Variants in PPARA observed in about 807,000 individuals in gnomAD.
PPARA encodes the protein peroxisome proliferator activated receptor alpha.
In PPARA, 22 loss-of-function variants were observed where a neutral mutation model predicts 42.2. That is an observed-to-expected ratio of 0.52 (90% confidence interval 0.37 to 0.74). The LOEUF (loss-of-function observed/expected upper bound fraction) is 0.74, where lower values mean the gene tolerates loss of function less well. Ranked by LOEUF, PPARA falls within the 30% of genes least tolerant of loss-of-function variation. PPARA has a pLI of 0.00. For missense variants in PPARA, 465 were observed against 608.2 expected, an observed-to-expected ratio of 0.76 and a Z score of 2.48; for synonymous variants, 242 against 239.3, an observed-to-expected ratio of 1.01 and a Z score of -0.10.
In PPARA at chr22:46,216,694, C is replaced by T. The variant is rs1934525625; in HGVS notation, c.369+1361C>T. Among the ~76,000 whole-genome samples the T allele has an allele frequency of 6.6e-6, 1 of 152,222 alleles. No homozygotes were observed. The highest frequency in any genetic ancestry group is 1.5e-5 in the Non-Finnish European group (1 of 68,040). ...ACAGGAACCCCCTGTGCATCTTCAT[C>T]CTCCTGCTGGCTCAGCCTGCCCTAA... On this transcript the variant is annotated intron_variant, in intron 5 of 8. Coordinates refer to ENST00000407236, the MANE Select transcript of PPARA (RefSeq NM_005036.6). The surrounding 1 kb of genome is among the most constrained non-coding windows in gnomAD (Gnocchi z 4.5).
rs967178619 is a variant in PPARA at position 46,183,035 on chromosome 22, G to A, written c.-43+6199G>A. ...GTTGGGATTATAGGCATGAGCCACA[G>A]CACCGGGCCCATAAAGCTGTCTTTT... On this transcript the variant is annotated intron_variant, in intron 3 of 8. Transcript: ENST00000407236. The surrounding 1 kb of genome is among the most constrained non-coding windows in gnomAD (Gnocchi z 5.5). Among the ~76,000 whole-genome samples the A allele has an allele frequency of 1.3e-5, 2 of 152,176 alleles. No homozygotes were observed. The highest frequency in any genetic ancestry group is 6.5e-5 in the Admixed American group (1 of 15,274).
At chr22:46,214,463 G>A (rs938784003) in intron 4 of PPARA, among the ~76,000 whole-genome samples, 12 of 151,502 alleles carry the variant, frequency 7.9e-5, no homozygotes, top group Non-Finnish European at 1.6e-4. Context: ...CCGGAGATGC[G>A]CAGATCAGGA....
intron 2 of PPARA, among the ~76,000 whole-genome samples, chr22:46,158,881 T>C (rs1369810629): frequency 2.0e-5 from 3 of 152,098 alleles, no homozygotes; most frequent in Non-Finnish European, 4.4e-5. Flanking sequence ...ACTGGGATAG[T>C]GTCTCTTTTT....
At chr22:46,154,439 G>A (rs997867804) in intron 2 of PPARA, among the ~76,000 whole-genome samples, 10 of 152,004 alleles carry the variant, frequency 6.6e-5, no homozygotes, top group Admixed American at 3.3e-4. Flanking sequence ...GCAACCTGGC[G>A]AAACCCTGCA....
At chr22:46,226,662 C>T (rs771203004) in intron 7 of PPARA, among the ~76,000 whole-genome samples, 1 of 152,086 alleles carries the variant, frequency 6.6e-6, no homozygotes, top group Non-Finnish European at 1.5e-5. Flanking sequence ...AGTAAAACGT[C>T]TTGTTTAAAA....
chr22:46,238,198 A>G lies in PPARA; in HGVS notation c.*2818A>G, dbSNP rs1208291826. The G allele has an allele frequency of 6.6e-6, 1 of 152,218 alleles. No individual in the cohort carries two copies. The highest frequency in any genetic ancestry group is 1.5e-5 in the Non-Finnish European group (1 of 68,038). 9.4% of individuals were successfully genotyped at this position (152,218 alleles called of 1,614,324 possible). A position where few individuals can be genotyped will look rare whatever the true frequency, so the allele number is the denominator to read the frequency against. On this transcript the variant is annotated 3_prime_UTR_variant, in exon 9 of 9. Coordinates refer to ENST00000407236, the MANE Select transcript of PPARA (RefSeq NM_005036.6). The surrounding 1 kb of genome is among the most constrained non-coding windows in gnomAD (Gnocchi z 8.3). Reference sequence around the variant, plus strand: ...GACCTCAGGCTGAAAGTCACTCGACATTGGTCTCTTGTGTTGATAGGGAAG... The same window carrying G: ...GACCTCAGGCTGAAAGTCACTCGACGTTGGTCTCTTGTGTTGATAGGGAAG...
Position 46,222,863 on chromosome 22 carries a change from A to C in PPARA, c.711+2849A>C, listed in dbSNP as rs1366683619. ...GGAGACCTCGTCTCTACAAAAAATG[A>C]TTTTTTAAAAAACTAGCTGGGCATG... is the stretch of plus-strand genomic sequence containing the variant. On this transcript the variant is annotated intron_variant, in intron 7 of 8. Transcript: ENST00000407236. This position sits in a 1 kb window ranked among gnomAD's most constrained non-coding sequence, Gnocchi z 5.9. Among the ~76,000 whole-genome samples, 1 of 152,120 alleles carries C rather than the reference A, an allele frequency of 6.6e-6. No homozygotes were observed. Among genetic ancestry groups the C allele is most frequent in the Non-Finnish European group, 1.5e-5 (1 of 68,036 alleles).
intron 2 of PPARA, among the ~76,000 whole-genome samples, chr22:46,153,011 G>C (rs2147083310): frequency 6.6e-6 from 1 of 152,314 alleles, no homozygotes; most frequent in South Asian, 2.1e-4. Context: ...GCTTGAGCCT[G>C]GGAGGTGAAG....
At position 46,235,283 on chromosome 22, in the gene PPARA, T is replaced by G. The variant is rs1178740516; in HGVS notation, c.1310T>G (p.Val437Gly). Residue 437 changes from valine (V) to glycine (G), a missense_variant, in exon 9 of 9, where the codon GTG becomes GGG. Around this residue, in one of 2 missense-constraint regions of PPARA, gnomAD observed 313 missense variants for 469.1 expected, o/e 0.67. Transcript: ENST00000407236. This position sits in a 1 kb window ranked among gnomAD's most constrained non-coding sequence, Gnocchi z 7.0. ...AAAATGGCAGACCTCCGGCAGCTGG[T>G]GACGGAGCATGCGCAGCTGGTGCAG... is the stretch of plus-strand genomic sequence containing the variant. Reference protein sequence around the residue: ...LQKMADLRQLVTEHAQLVQII... With the variant: ...LQKMADLRQLGTEHAQLVQII... The G allele has an allele frequency of 6.2e-7, 1 of 1,613,974 alleles. No homozygotes were observed. Among genetic ancestry groups the G allele is most frequent in the Non-Finnish European group, 8.5e-7 (1 of 1,180,052 alleles).
rs983788482 is a variant in PPARA at position 46,160,178 on chromosome 22, G to A, written c.-127+8208G>A. On this transcript the variant is annotated intron_variant, in intron 2 of 8. Transcript: ENST00000407236. The surrounding 1 kb of genome is among the most constrained non-coding windows in gnomAD (Gnocchi z 4.5). ...GCGGGGATCTTTCCAGCAGAAAGCT[G>A]TAAGTGGAAGCTTTCAATTCAGAGC... Among the ~76,000 whole-genome samples, 27 of 152,352 alleles carry A rather than the reference G, an allele frequency of 1.8e-4. No individual in the cohort carries two copies. The highest frequency in any genetic ancestry group is 5.8e-4 in the African/African-American group (24 of 41,578).
rs761785613 is a variant in PPARA at position 46,230,816 on chromosome 22, A to G, written c.712-976A>G. Among the ~76,000 whole-genome samples, 4 of 152,256 alleles carry G rather than the reference A, an allele frequency of 2.6e-5. No homozygotes were observed. The highest frequency in any genetic ancestry group is 5.9e-5 in the Non-Finnish European group (4 of 68,048). ...TCACAACGCTTGTTTGCCGATTTCT[A>G]CATAGATGCCACCTTTCTGAGTTGT... On this transcript the variant is annotated intron_variant, in intron 7 of 8. Transcript: ENST00000407236. This position sits in a 1 kb window ranked among gnomAD's most constrained non-coding sequence, Gnocchi z 5.0.
Position 46,221,537 on chromosome 22 carries a change from C to T in PPARA, c.711+1523C>T, listed in dbSNP as rs1463893940. Among the ~76,000 whole-genome samples, 4 of 152,174 alleles carry T rather than the reference C, an allele frequency of 2.6e-5. No homozygotes were observed. Among genetic ancestry groups the T allele is most frequent in the South Asian group, 2.1e-4 (1 of 4,830 alleles). On this transcript the variant is annotated intron_variant, in intron 7 of 8. Coordinates refer to ENST00000407236, the MANE Select transcript of PPARA (RefSeq NM_005036.6). This position sits in a 1 kb window ranked among gnomAD's most constrained non-coding sequence, Gnocchi z 5.9. ...CTTGTAAGCCAGGCGTGGTGGCTCA[C>T]GCCTGTCATCCCAGCACTTTGGGAG...
chr22:46,209,101 T>C (rs1933678749), intron 4 of PPARA, among the ~76,000 whole-genome samples: 1 of 152,246 alleles, frequency 6.6e-6, no homozygotes, highest in African/African-American at 2.4e-5. Context: ...CTGGATCATA[T>C]GTAGTGCTAT....
At chr22:46,197,285 A>C (rs1277858897) in intron 3 of PPARA, among the ~76,000 whole-genome samples, 1 of 145,864 alleles carries the variant, frequency 6.9e-6, no homozygotes, top group Non-Finnish European at 1.5e-5. Context: ...CCTGACCTCA[A>C]GTGATCCGCC....
chr22:46,220,875 AGAG>A (rs1934946210), intron 7 of PPARA, among the ~76,000 whole-genome samples: 1 of 151,976 alleles, frequency 6.6e-6, no homozygotes. Flanking sequence ...CCCGGGAGGC[AGAG>A]GTTACAGCAA....
chr22:46,198,394 C>T lies in PPARA; in HGVS notation c.11C>T (p.Thr4Met), dbSNP rs762749629. 8.7e-6 allele frequency: 14 copies of T among 1,613,850 alleles called. No homozygotes were observed. Among genetic ancestry groups the T allele is most frequent in the East Asian group, 6.7e-5 (3 of 44,888 alleles). Residue 4 changes from threonine (T) to methionine (M), a missense_variant, in exon 4 of 9, where the codon ACG becomes ATG. Transcript: ENST00000407236. MVDTESPLCPLSPL... is the reference protein window; with the variant it reads MVDMESPLCPLSPL... ...CACCATCTGGTCGCGATGGTGGACA[C>T]GGAAAGCCCACTCTGCCCCCTCTCC... is the stretch of plus-strand genomic sequence containing the variant.
At chr22:46,228,126 C>T (rs1276813172) in intron 7 of PPARA, among the ~76,000 whole-genome samples, 1 of 152,220 alleles carries the variant, frequency 6.6e-6, no homozygotes, top group Non-Finnish European at 1.5e-5. Flanking sequence ...TAGAACTAGT[C>T]CACGGTGAGC....
intron 2 of PPARA, among the ~76,000 whole-genome samples, chr22:46,169,455 T>C (rs1003348206): frequency 4.6e-5 from 7 of 151,786 alleles, no homozygotes; most frequent in African/African-American, 7.3e-5. Flanking sequence ...AGGATGGTCT[T>C]GATCTCCTGC....
intron 5 of PPARA, 96 bp from the exon 6 acceptor site, chr22:46,218,167 G>T: frequency 6.7e-7 from 1 of 1,488,880 alleles, no homozygotes; most frequent in Non-Finnish European, 9.2e-7. Flanking sequence ...CATTTAAAAA[G>T]AAACAATAAA....
Sources: allele counts gnomAD v4.1 joint callset (sites outside exome capture counted in the v4.1 genomes callset), GRCh38; gene constraint gnomAD v4.1.1; regional missense constraint gnomAD v4.1.1; non-coding constraint Gnocchi (gnomAD v3.1); transcripts MANE v1.5; gene names NCBI Gene and HGNC (gene_info 2026-07-23, HGNC 2026-07-21).